The following COPG2 variants were observed in gnomAD, a reference collection of about 807,000 sequenced individuals.
COPG2 encodes the protein coatomer subunit gamma-2.
Under a neutral mutation model 46.3 loss-of-function variants are expected in COPG2, and 37 were observed. The ratio of observed to expected loss-of-function variants is 0.80; its 90% confidence interval spans 0.61 to 1.05. The LOEUF (loss-of-function observed/expected upper bound fraction) is 1.05, where lower values mean the gene tolerates loss of function less well. Ranked by LOEUF, COPG2 falls within the 50% of genes least tolerant of loss-of-function variation. The probability of loss-of-function intolerance (pLI) is 0.00; values close to 1 mark genes in which losing one functional copy is unlikely to be tolerated. For synonymous variants in COPG2, 159 were observed against 129.7 expected (o/e 1.23, Z -1.53); for missense variants, 427 against 387.8 (o/e 1.10, Z -0.85).
intron 7 of COPG2, among the ~76,000 whole-genome samples, chr7:130,613,216 C>T (rs570364591): frequency 6.6e-6 from 1 of 152,276 alleles, no homozygotes; most frequent in Non-Finnish European, 1.5e-5. Context: ...TAGATCCCTG[C>T]ATGCGCAGCT....
chr7:130,655,147 T>G (rs1795824880), intron 4 of COPG2, among the ~76,000 whole-genome samples: 1 of 152,176 alleles, frequency 6.6e-6, no homozygotes, highest in South Asian at 2.1e-4. Context: ...GCATATCTGA[T>G]CATTTATTAG....
intron 9 of COPG2, among the ~76,000 whole-genome samples, chr7:130,600,091 G>A (rs1794606557): frequency 6.6e-6 from 1 of 152,122 alleles, no homozygotes. Flanking sequence ...TGAGACAGTT[G>A]TGTTAAAGTC....
chr7:130,538,332 AAAAG>A (rs1799904285), intron 20 of COPG2, among the ~76,000 whole-genome samples: 1 of 152,022 alleles, frequency 6.6e-6, no homozygotes, highest in South Asian at 2.1e-4. Context: ...AGTTGATGGG[AAAAG>A]AAAGAGATTT....
In COPG2 at chr7:130,588,452, A is replaced by G. The variant is rs562134999; in HGVS notation, c.737+22501T>C. On this transcript the variant is annotated intron_variant, in intron 9 of 23. Coordinates refer to ENST00000425248, the MANE Select transcript of COPG2 (RefSeq NM_012133.6). Reference sequence around the variant, plus strand: ...AAAATGTGGCCCATATACACCATGGAATACTATGCAGCCATAAAAAATGAT... The same window carrying G: ...AAAATGTGGCCCATATACACCATGGGATACTATGCAGCCATAAAAAATGAT... 1.5e-3 allele frequency among the ~76,000 whole-genome samples: 222 copies of G among 152,232 alleles called. 1 individual carries two copies. Among genetic ancestry groups the G allele is most frequent in the Middle Eastern group, 3.4e-3 (1 of 294 alleles).
chr7:130,596,445 T>G (rs1208416427), intron 9 of COPG2, among the ~76,000 whole-genome samples: 2 of 152,188 alleles, frequency 1.3e-5, no homozygotes, highest in Admixed American at 6.5e-5. Context: ...CTACGAAGTT[T>G]TACTTGGTAA....
intron 9 of COPG2, among the ~76,000 whole-genome samples, chr7:130,594,537 G>C (rs1794489257): frequency 6.6e-6 from 1 of 152,182 alleles, no homozygotes; most frequent in African/African-American, 2.4e-5. Context: ...AAACTTCTGT[G>C]TTTGAAAGAA....
chr7:130,645,082 AAAAG>A, intron 5 of COPG2: 2 of 378,064 alleles, frequency 5.3e-6, no homozygotes, highest in Non-Finnish European at 1.0e-5. Flanking sequence ...AAAAAAAAAA[AAAAG>A]AAAAGAAATG....
At chr7:130,609,599 A>C (rs936890702) in intron 9 of COPG2, among the ~76,000 whole-genome samples, 1 of 152,122 alleles carries the variant, frequency 6.6e-6, no homozygotes, top group Admixed American at 6.5e-5. Flanking sequence ...ATTCTATTCC[A>C]TTCTGTTTCC....
chr7:130,567,845 C>A (rs1379867697), intron 9 of COPG2, among the ~76,000 whole-genome samples: 1 of 151,860 alleles, frequency 6.6e-6, no homozygotes, highest in African/African-American at 2.4e-5. Flanking sequence ...TGAAATACAC[C>A]AAAATAGAAC....
chr7:130,518,087 C>A (rs957815560), intron 20 of COPG2, among the ~76,000 whole-genome samples: 6 of 151,970 alleles, frequency 3.9e-5, no homozygotes, highest in African/African-American at 1.2e-4. Context: ...CACAGCACTA[C>A]GTATTAATTA....
At chr7:130,585,889 C>G (rs2116449218) in intron 9 of COPG2, among the ~76,000 whole-genome samples, 1 of 152,140 alleles carries the variant, frequency 6.6e-6, no homozygotes, top group South Asian at 2.1e-4. Flanking sequence ...CTAGTACAAC[C>G]ACTATAGAAA....
intron 15 of COPG2, 75 bp from the exon 16 acceptor site, chr7:130,551,419 G>A (rs1793533180): frequency 5.0e-6 from 2 of 396,620 alleles, no homozygotes; most frequent in Admixed American, 8.8e-5. Context: ...AAATCTAAAG[G>A]ACACAGCTCA....
chr7:130,591,981 T>C (rs1178840796), intron 9 of COPG2, among the ~76,000 whole-genome samples: 9 of 152,252 alleles, frequency 5.9e-5, no homozygotes, highest in Middle Eastern at 3.4e-3. Context: ...GGGGAAAAGA[T>C]TGAGAAATCG....
chr7:130,643,732 T>C (rs1431014288), intron 5 of COPG2, among the ~76,000 whole-genome samples: 69 of 152,212 alleles, frequency 4.5e-4, no homozygotes, highest in African/African-American at 1.3e-3. Context: ...CCAAGGCATG[T>C]CAGAGGATCC....
intron 1 of COPG2, among the ~76,000 whole-genome samples, 166 bp downstream of exon 1, chr7:130,668,466 C>A (rs1277603434): frequency 8.0e-5 from 12 of 149,578 alleles, no homozygotes; most frequent in Admixed American, 7.3e-4. Context: ...GGGCTACGGG[C>A]AGGCCCCGGG....
At chr7:130,543,822 T>TA (rs1387115910) in intron 20 of COPG2, among the ~76,000 whole-genome samples, 1 of 152,048 alleles carries the variant, frequency 6.6e-6, no homozygotes, top group African/African-American at 2.4e-5. Flanking sequence ...CAACAAAAAT[T>TA]AGAGACATTG....
intron 20 of COPG2, among the ~76,000 whole-genome samples, chr7:130,535,498 G>A (rs930578578): frequency 7.2e-5 from 11 of 151,938 alleles, no homozygotes; most frequent in African/African-American, 1.7e-4. Flanking sequence ...TGCAAGGTTC[G>A]GCATGGGGAA....
chr7:130,516,226 C>T (rs1227452339), intron 20 of COPG2, among the ~76,000 whole-genome samples: 4 of 152,064 alleles, frequency 2.6e-5, no homozygotes, highest in Non-Finnish European at 5.9e-5. Context: ...GTATTTGGCA[C>T]CATACTTGGG....
intron 20 of COPG2, among the ~76,000 whole-genome samples, chr7:130,518,606 A>G (rs1799698695): frequency 1.3e-5 from 2 of 152,226 alleles, no homozygotes; most frequent in South Asian, 4.1e-4. Flanking sequence ...GTGCAAATAA[A>G]GGAAATTAGG....
Sources: gnomAD v4.1 joint callset for allele counts (sites outside exome capture counted in the v4.1 genomes callset) on GRCh38, gnomAD v4.1.1 for gene constraint, MANE v1.5 for transcripts, NCBI Gene and HGNC (gene_info 2026-07-23, HGNC 2026-07-21) for gene names.